The following PRKAG2 variants were observed in gnomAD, a reference collection of about 807,000 sequenced individuals.
The protein encoded by PRKAG2 is protein kinase AMP-activated non-catalytic subunit gamma 2.
In PRKAG2, 26 loss-of-function variants were observed where a neutral mutation model predicts 69.6. That is an observed-to-expected ratio of 0.37 (90% CI 0.27 to 0.52). PRKAG2 has a LOEUF of 0.52. PRKAG2 is among the 20% of genes least tolerant of loss of function. The pLI is 0.90. For synonymous variants in PRKAG2, 293 were observed against 285.0 expected (o/e 1.03, Z -0.28); for missense variants, 557 against 740.0 (o/e 0.75, Z 2.87).
At position 151,614,325 on chromosome 7, in the gene PRKAG2, G is replaced by A. The variant is rs1166706324; in HGVS notation, c.754+17744C>T. ...ACCCCATGGCGATGGGGGAGCAGCAGCAGGGTGGCAGGGAGGCCATGGGGT... is the reference window on the plus strand; with the variant it reads ...ACCCCATGGCGATGGGGGAGCAGCAACAGGGTGGCAGGGAGGCCATGGGGT... On this transcript the variant is annotated intron_variant, in intron 5 of 15. Transcript: ENST00000287878. The surrounding 1 kb of genome is among the most constrained non-coding windows in gnomAD (Gnocchi z 4.4). Among the ~76,000 whole-genome samples the A allele has an allele frequency of 6.6e-6, 1 of 152,156 alleles. No individual in the cohort carries two copies. Among genetic ancestry groups the A allele is most frequent in the African/African-American group, 2.4e-5 (1 of 41,454 alleles).
chr7:151,819,233 G>A (rs533160408), intron 1 of PRKAG2, among the ~76,000 whole-genome samples: 4 of 152,314 alleles, frequency 2.6e-5, no homozygotes, highest in Non-Finnish European at 4.4e-5. Context: ...CAGTCCTGCC[G>A]GTCCTAACAC....
chr7:151,587,686 G>C (rs1794644353), intron 6 of PRKAG2, among the ~76,000 whole-genome samples: 1 of 152,132 alleles, frequency 6.6e-6, no homozygotes, highest in Admixed American at 6.5e-5. Context: ...GAAAATACCT[G>C]ACCAACACTC....
chr7:151,743,843 C>T (rs540804543), intron 3 of PRKAG2, among the ~76,000 whole-genome samples: 9 of 152,302 alleles, frequency 5.9e-5, no homozygotes, highest in Non-Finnish European at 1.0e-4. Context: ...CCTCTGCCCT[C>T]GGCAGGGCTC....
At chr7:151,797,880 G>A (rs1455709037) in intron 1 of PRKAG2, among the ~76,000 whole-genome samples, 2 of 152,192 alleles carry the variant, frequency 1.3e-5, no homozygotes, top group African/African-American at 4.8e-5. Flanking sequence ...AGTGGATTAT[G>A]AAATCAATTT....
At chr7:151,871,027 A>T (rs1159253059) in intron 1 of PRKAG2, among the ~76,000 whole-genome samples, 1 of 152,112 alleles carries the variant, frequency 6.6e-6, no homozygotes, top group Non-Finnish European at 1.5e-5. Flanking sequence ...AGTGTCCCCA[A>T]AGACTTCTGC....
chr7:151,819,707 C>T (rs1339196639), intron 1 of PRKAG2, among the ~76,000 whole-genome samples: 3 of 151,926 alleles, frequency 2.0e-5, no homozygotes, highest in Admixed American at 6.6e-5. Context: ...GTTCTGACCA[C>T]CTGAAGGTCT....
chr7:151,648,904 A>AT lies in PRKAG2; in HGVS notation c.685-16767dup, dbSNP rs201909406. ...ATCAGGTATGTGAGAGAGGACCAGG[A>AT]TTTTTTTTTTTTCCTTTTTATGATC... On this transcript the variant is annotated intron_variant, in intron 4 of 15. Coordinates refer to ENST00000287878, the MANE Select transcript of PRKAG2 (RefSeq NM_016203.4). Among the ~76,000 whole-genome samples, 96 of 108,518 alleles carry AT rather than the reference A, an allele frequency of 8.8e-4. 1 individual carries two copies. The South Asian group carries it at 9.9e-3, about 11-fold the overall frequency. 71.2% of individuals were successfully genotyped at this position (108,518 alleles called of 152,430 possible).
intron 1 of PRKAG2, among the ~76,000 whole-genome samples, chr7:151,790,026 T>G (rs1326691387): frequency 6.6e-6 from 1 of 152,190 alleles, no homozygotes; most frequent in Non-Finnish European, 1.5e-5. Flanking sequence ...GAATGCTGTC[T>G]TAACTCCTCA....
chr7:151,634,479 G>T (rs2151337412), intron 4 of PRKAG2, among the ~76,000 whole-genome samples: 1 of 152,276 alleles, frequency 6.6e-6, no homozygotes, highest in South Asian at 2.1e-4. Flanking sequence ...AAGAATTTTT[G>T]CTCTGCGAAA....
chr7:151,745,873 C>A (rs1055640375), intron 3 of PRKAG2, among the ~76,000 whole-genome samples: 1 of 152,156 alleles, frequency 6.6e-6, no homozygotes, highest in South Asian at 2.1e-4. Flanking sequence ...GCCTGGCAAC[C>A]CTGCAGTCGC....
intron 1 of PRKAG2, among the ~76,000 whole-genome samples, chr7:151,870,517 C>T (rs2080195258): frequency 6.6e-6 from 1 of 152,252 alleles, no homozygotes; most frequent in Non-Finnish European, 1.5e-5. Context: ...AAGGTCAAAG[C>T]TGACACGTCC....
At position 151,845,480 on chromosome 7, in the gene PRKAG2, C is replaced by CA. The variant is rs1360745207; in HGVS notation, c.114+31026dup. Among the ~76,000 whole-genome samples, 56 of 152,166 alleles carry CA rather than the reference C, an allele frequency of 3.7e-4. 2 individuals are homozygous for CA. The highest frequency in any genetic ancestry group is 3.3e-4 in the Admixed American group (5 of 15,286). On this transcript the variant is annotated intron_variant, in intron 1 of 15. Transcript: ENST00000287878. Reference sequence around the variant, plus strand: ...AAACTCGGCGGTGGGGCCCAGCCTCCAGGTGACCCCAGAGCTTGCTCAAGT... The same window carrying CA: ...AAACTCGGCGGTGGGGCCCAGCCTCCAAGGTGACCCCAGAGCTTGCTCAAGT...
intron 3 of PRKAG2, among the ~76,000 whole-genome samples, chr7:151,713,343 T>C (rs1290871453): frequency 6.6e-6 from 1 of 152,186 alleles, no homozygotes; most frequent in African/African-American, 2.4e-5. Context: ...TTTTGTTTAA[T>C]TCTGATGCTG....
rs879807430 is a variant in PRKAG2 at position 151,811,504 on chromosome 7, C to G, written c.115-24963G>C. Among the ~76,000 whole-genome samples the G allele has an allele frequency of 4.6e-5, 7 of 152,242 alleles. No homozygotes were observed. In the South Asian group the frequency reaches 1.5e-3, roughly 32 times the overall value. On this transcript the variant is annotated intron_variant, in intron 1 of 15. Coordinates refer to ENST00000287878, the MANE Select transcript of PRKAG2 (RefSeq NM_016203.4). ...TCTATTTTTCTCTTAACTCATAATT[C>G]AGTAATTGAGGCTAGAGCTTTGCCA...
At chr7:151,744,840 G>A (rs1427384802) in intron 3 of PRKAG2, among the ~76,000 whole-genome samples, 1 of 152,188 alleles carries the variant, frequency 6.6e-6, no homozygotes, top group African/African-American at 2.4e-5. Flanking sequence ...GGGAACCCTA[G>A]TCACCCACAC....
intron 3 of PRKAG2, among the ~76,000 whole-genome samples, chr7:151,701,775 G>A (rs1197474415): frequency 2.6e-5 from 4 of 151,464 alleles, no homozygotes; most frequent in African/African-American, 4.9e-5. Flanking sequence ...CCCGTGAAGC[G>A]GGGGTTGCAG....
chr7:151,585,967 C>T (rs1811567479), intron 6 of PRKAG2, among the ~76,000 whole-genome samples: 1 of 152,212 alleles, frequency 6.6e-6, no homozygotes, highest in Non-Finnish European at 1.5e-5. Flanking sequence ...CCTAGGACTG[C>T]ATGTAGCTGC....
At chr7:151,679,146 C>T (rs538752744) in intron 3 of PRKAG2, among the ~76,000 whole-genome samples, 6 of 151,958 alleles carry the variant, frequency 3.9e-5, no homozygotes, top group African/African-American at 1.2e-4. Context: ...AAAGGGCTGC[C>T]GGCCCATCCG....
chr7:151,830,234 G>A (rs768830738), intron 1 of PRKAG2, among the ~76,000 whole-genome samples: 1 of 151,188 alleles, frequency 6.6e-6, no homozygotes, highest in Non-Finnish European at 1.5e-5. Context: ...GGCCCAGGCC[G>A]AGAGGAACCT....
Sources: allele counts gnomAD v4.1 joint callset (sites outside exome capture counted in the v4.1 genomes callset), GRCh38; gene constraint gnomAD v4.1.1; non-coding constraint Gnocchi (gnomAD v3.1); transcripts MANE v1.5; gene names NCBI Gene and HGNC (gene_info 2026-07-23, HGNC 2026-07-21).